The following TRIO variants were observed in gnomAD, a reference collection of about 807,000 sequenced individuals.
TRIO encodes the protein triple functional domain protein.
TRIO carries 58 observed loss-of-function variants against 351.9 expected under a neutral mutation model. The ratio of observed to expected loss-of-function variants is 0.16; its 90% CI spans 0.13 to 0.21. The LOEUF (loss-of-function observed/expected upper bound fraction) is 0.21. Among genes scored for constraint, TRIO ranks in the 10% least tolerant of loss-of-function variants. TRIO has a pLI of 1.00. For missense variants in TRIO, 3,201 were observed against 4,027.8 expected (o/e 0.79, Z 5.56); for synonymous variants, 1,758 against 1,595.7 (o/e 1.10, Z -2.42).
chr5:14,241,581 G>C (rs1184005922), intron 1 of TRIO, among the ~76,000 whole-genome samples: 2 of 152,104 alleles, frequency 1.3e-5, no homozygotes, highest in African/African-American at 4.8e-5. Context: ...TCCTACTATA[G>C]GCTAAATTTT....
rs554468118 is a variant in TRIO at position 14,488,937 on chromosome 5, A to G, written c.7632+677A>G. The stretch of plus-strand genomic sequence containing the variant: ...GGGCTCTGGCCTCGTTTGGCCCATC[A>G]CTCATGCTGCCGTCTCAAGCACAAG... On this transcript the variant is annotated intron_variant, in intron 48 of 56. Coordinates refer to ENST00000344204, the MANE Select transcript of TRIO (RefSeq NM_007118.4). The G allele has an allele frequency of 1.3e-5, 10 of 763,508 alleles. No individual in the cohort carries two copies. In the East Asian group the frequency reaches 2.2e-4, roughly 17 times the overall value. The allele number at this position is 763,508 out of a possible 1,614,324, so 47.3% of individuals were successfully genotyped here.
chr5:14,323,162 C>T (rs181718180), intron 9 of TRIO, among the ~76,000 whole-genome samples: 3 of 151,024 alleles, frequency 2.0e-5, no homozygotes, highest in East Asian at 1.9e-4. Flanking sequence ...TCCCATTCTT[C>T]CCCTGGTCCC....
At chr5:14,285,187 C>T (rs530369005) in intron 3 of TRIO, among the ~76,000 whole-genome samples, 58 of 152,142 alleles carry the variant, frequency 3.8e-4, no homozygotes, top group Non-Finnish European at 7.5e-4. Context: ...GAAGTGATGG[C>T]ATGAGGAGTA....
At chr5:14,351,457 TGCTGGCCCTATG>T (rs1207035440) in intron 11 of TRIO, among the ~76,000 whole-genome samples, 2 of 152,222 alleles carry the variant, frequency 1.3e-5, no homozygotes, top group African/African-American at 4.8e-5. Context: ...ATACTTCCCC[TGCTGGCCCTATG>T]GCTCGCCCAT....
intron 53 of TRIO, 55 bp downstream of exon 53, chr5:14,498,695 A>C: frequency 1.3e-6 from 2 of 1,593,502 alleles, no homozygotes; most frequent in Non-Finnish European, 1.7e-6. Context: ...GTCTTTCAGG[A>C]GTCTCCTTAA....
At chr5:14,491,612 T>C (rs1444657532) in intron 48 of TRIO, among the ~76,000 whole-genome samples, 1 of 152,190 alleles carries the variant, frequency 6.6e-6, no homozygotes, top group Non-Finnish European at 1.5e-5. Context: ...TCTCAGGAGC[T>C]AACACCACTC....
At chr5:14,383,141 A>G (rs1228395767) in intron 21 of TRIO, among the ~76,000 whole-genome samples, 1 of 152,214 alleles carries the variant, frequency 6.6e-6, no homozygotes, top group Non-Finnish European at 1.5e-5. Context: ...GGGCAAGATG[A>G]CAAGATCCTG....
intron 33 of TRIO, among the ~76,000 whole-genome samples, chr5:14,409,590 T>C (rs559731358): frequency 9.8e-4 from 148 of 151,696 alleles, no homozygotes; most frequent in African/African-American, 3.5e-3. Context: ...ATCCCAGCAC[T>C]TAGGGAGGCC....
intron 18 of TRIO, among the ~76,000 whole-genome samples, chr5:14,371,647 T>C (rs1233082788): frequency 3.3e-5 from 5 of 151,706 alleles, no homozygotes; most frequent in Non-Finnish European, 2.9e-5. Flanking sequence ...TAAATGTTTT[T>C]TTTTTTTTTT....
chr5:14,410,783 C>T (rs778341425), intron 33 of TRIO, among the ~76,000 whole-genome samples: 1 of 152,158 alleles, frequency 6.6e-6, no homozygotes, highest in African/African-American at 2.4e-5. Context: ...GAAGGAGGGA[C>T]CCTGGAGACG....
At chr5:14,483,864 C>G (rs540799711) in intron 46 of TRIO, among the ~76,000 whole-genome samples, 16 of 152,188 alleles carry the variant, frequency 1.1e-4, no homozygotes, top group Admixed American at 7.9e-4. Context: ...ATCCCCTGAA[C>G]TGTGCGCCCA....
chr5:14,145,422 T>C (rs1787449448), intron 1 of TRIO, among the ~76,000 whole-genome samples: 1 of 152,026 alleles, frequency 6.6e-6, no homozygotes, highest in Non-Finnish European at 1.5e-5. Context: ...TCCCCAGTGC[T>C]CACTCTCCTT....
intron 53 of TRIO, among the ~76,000 whole-genome samples, chr5:14,500,977 C>CT: frequency 6.7e-6 from 1 of 148,360 alleles, no homozygotes; most frequent in Non-Finnish European, 1.5e-5. Flanking sequence ...CTATGATGCT[C>CT]TGTCTCTGGG....
intron 31 of TRIO, among the ~76,000 whole-genome samples, chr5:14,404,080 G>A (rs1748496078): frequency 6.6e-6 from 1 of 150,986 alleles, no homozygotes. Flanking sequence ...TGAGGGTGCA[G>A]GTTGTGGTGG....
Position 14,488,423 on chromosome 5 carries a change from C to T in TRIO, c.7632+163C>T, listed in dbSNP as rs1241962519. The T allele has an allele frequency of 1.4e-5, 15 of 1,049,550 alleles. No individual in the cohort carries two copies. The African/African-American group carries it at 2.3e-4, about 16-fold the overall frequency. The allele number at this position is 1,049,550 out of a possible 1,614,324, so 65.0% of individuals were successfully genotyped here. A position where few individuals can be genotyped will look rare whatever the true frequency, so the allele number is the denominator to read the frequency against. On this transcript the variant is annotated intron_variant, in intron 48 of 56. Coordinates refer to ENST00000344204, the MANE Select transcript of TRIO (RefSeq NM_007118.4). Reference sequence around the variant, plus strand: ...GCTAACCCTCCTGCGGGCCGGCCCACGGCGCTACTAACTACTCCTTGCTTT... The same window carrying T: ...GCTAACCCTCCTGCGGGCCGGCCCATGGCGCTACTAACTACTCCTTGCTTT...
intron 10 of TRIO, among the ~76,000 whole-genome samples, chr5:14,331,527 A>C (rs1740903980): frequency 6.6e-6 from 1 of 152,222 alleles, no homozygotes; most frequent in Non-Finnish European, 1.5e-5. Flanking sequence ...TTATGGTTGA[A>C]TTCATTTAAA....
intron 10 of TRIO, among the ~76,000 whole-genome samples, chr5:14,334,146 T>C (rs1370250376): frequency 6.6e-6 from 1 of 152,220 alleles, no homozygotes; most frequent in African/African-American, 2.4e-5. Context: ...TCAGGTAGTA[T>C]CCATGTCCTG....
intron 46 of TRIO, among the ~76,000 whole-genome samples, chr5:14,483,300 G>A (rs1052446989): frequency 6.6e-6 from 1 of 152,206 alleles, no homozygotes; most frequent in Admixed American, 6.5e-5. Flanking sequence ...CCTCAAGTCT[G>A]TAAAAGGGAC....
intron 1 of TRIO, among the ~76,000 whole-genome samples, chr5:14,200,066 G>A (rs368077186): frequency 1.3e-5 from 2 of 152,338 alleles, no homozygotes; most frequent in African/African-American, 4.8e-5. Flanking sequence ...CAACTAGACA[G>A]TGGTTCATAC....
Sources: gnomAD v4.1 joint callset for allele counts (sites outside exome capture counted in the v4.1 genomes callset) on GRCh38, gnomAD v4.1.1 for gene constraint, MANE v1.5 for transcripts, NCBI Gene and HGNC (gene_info 2026-07-23, HGNC 2026-07-21) for gene names.